Variants in SPATA1 observed in about 807,000 individuals in gnomAD.
SPATA1 encodes spermatogenesis-associated protein 1.
In SPATA1, 57 loss-of-function variants were observed where a neutral mutation model predicts 59.6. The ratio of observed to expected loss-of-function variants is 0.96; its 90% CI spans 0.77 to 1.19. The LOEUF is 1.19. SPATA1 is among the 50% of genes most tolerant of loss of function. The pLI is 0.00. For missense variants in SPATA1, 448 were observed against 480.7 expected (o/e 0.93, Z 0.64); for synonymous variants, 147 against 163.9 (o/e 0.90, Z 0.79).
chr1:84,550,672 T>C, intron 12 of SPATA1, 142 bp downstream of exon 12: 10 of 1,214,734 alleles, frequency 8.2e-6, no homozygotes, highest in Non-Finnish European at 1.0e-5. Flanking sequence ...GTAAAGAGCA[T>C]AGGTGAAAAA....
At position 84,550,881 on chromosome 1, in the gene SPATA1, G is replaced by A. The variant is rs969557547; in HGVS notation, c.1224+351G>A. On this transcript the variant is annotated intron_variant, in intron 12 of 12. Transcript: ENST00000490879. Reference sequence around the variant, plus strand: ...AAACCACTGAGCTCTCCTCTGAACTGACATTTAATTTTTTATGGGTAATCG... The same window carrying A: ...AAACCACTGAGCTCTCCTCTGAACTAACATTTAATTTTTTATGGGTAATCG... 1.9e-4 allele frequency: 189 copies of A among 983,944 alleles called. 3 individuals are homozygous for A. Among genetic ancestry groups the A allele is most frequent in the Admixed American group, 3.1e-4 (5 of 16,298 alleles). The allele number at this position is 983,944 out of a possible 1,614,324, so 61.0% of individuals were successfully genotyped here.
At chr1:84,544,762 T>C (rs886087462) in intron 9 of SPATA1, among the ~76,000 whole-genome samples, 2 of 151,590 alleles carry the variant, frequency 1.3e-5, no homozygotes, top group Admixed American at 6.6e-5. Context: ...GATTTCACCA[T>C]GTTGGCCAGG....
exon 4 of SPATA1, chr1:84,522,393 A>T: frequency 6.9e-7 from 1 of 1,448,420 alleles, no homozygotes. Context: ...ATTTCAGAGT[A>T]TCTCCTCAAC....
In SPATA1 at chr1:84,551,259, A is replaced by G. The variant is rs1014755150; in HGVS notation, c.1224+729A>G. ...ATGAATGCTCTCATTTCTTTATCAG[A>G]AACAGCTTTATGACACAGAATAATG... On this transcript the variant is annotated intron_variant, in intron 12 of 12. Transcript: ENST00000490879. 3 of 984,544 alleles carry G rather than the reference A, an allele frequency of 3.0e-6. No homozygotes were observed. In the African/African-American group the frequency reaches 5.2e-5, roughly 17 times the overall value. The allele number at this position is 984,544 out of a possible 1,614,324, so 61.0% of individuals were successfully genotyped here.
At position 84,526,425 on chromosome 1, in the gene SPATA1, G is replaced by GA. The variant is rs897217423; in HGVS notation, c.544+353dup. On this transcript the variant is annotated intron_variant, in intron 6 of 12. Transcript: ENST00000490879. ...AAACTTTGGTATTACTCAGAGACCA[G>GA]AGGGATCAGGAAAACAGTATCAAAC... Among the ~76,000 whole-genome samples, 21 of 152,238 alleles carry GA rather than the reference G, an allele frequency of 1.4e-4. No individual in the cohort carries two copies. In the East Asian group the frequency reaches 1.7e-3, roughly 13 times the overall value.
rs189616860 is a variant in SPATA1 at position 84,548,467 on chromosome 1, T to C, written c.947-319T>C. 6.2e-3 allele frequency among the ~76,000 whole-genome samples: 921 copies of C among 148,342 alleles called. 12 individuals are homozygous for C. Among genetic ancestry groups the C allele is most frequent in the African/African-American group, 0.022 (890 of 40,910 alleles). On this transcript the variant is annotated intron_variant, in intron 10 of 12. Coordinates refer to ENST00000490879, the Ensembl canonical transcript of SPATA1. Reference sequence around the variant, plus strand: ...GTTATAGATTACTATATATAACAAGTATATATATTGCTTTTATAATATATA... The same window carrying C: ...GTTATAGATTACTATATATAACAAGCATATATATTGCTTTTATAATATATA...
intron 8 of SPATA1, among the ~76,000 whole-genome samples, chr1:84,534,511 C>A (rs1207634430): frequency 6.6e-6 from 1 of 151,972 alleles, no homozygotes; most frequent in African/African-American, 2.4e-5. Context: ...CCATGGCTTT[C>A]CCAGGTGATA....
intron 6 of SPATA1, among the ~76,000 whole-genome samples, chr1:84,531,776 G>T (rs1683479850): frequency 6.6e-6 from 1 of 151,838 alleles, no homozygotes. Flanking sequence ...GCCCAGGCTG[G>T]TCTTGAACTA....
chr1:84,524,348 T>A (rs1033193241), intron 4 of SPATA1, among the ~76,000 whole-genome samples: 1 of 152,152 alleles, frequency 6.6e-6, no homozygotes, highest in Admixed American at 6.6e-5. Context: ...GTTGAAGGTC[T>A]TCAATGCCAG....
At chr1:84,561,015 A>G (rs140801221) in intron 4 of SPATA1, among the ~76,000 whole-genome samples, 1 of 152,238 alleles carries the variant, frequency 6.6e-6, no homozygotes, top group East Asian at 1.9e-4. Flanking sequence ...CCCATGGAAC[A>G]AGGAGTAATT....
At chr1:84,558,137 A>G (rs1374189061), downstream of SPATA1, among the ~76,000 whole-genome samples, 4 of 152,172 alleles carry the variant, frequency 2.6e-5, no homozygotes. Flanking sequence ...GAAAATTCCT[A>G]AGAGAATGGA....
At position 84,512,182 on chromosome 1, in the gene SPATA1, T is replaced by G. The variant is rs534299035; in HGVS notation, c.-137-4041T>G. ...TATGTCAAAAAATACTCCCATCATCTGTCATAAAGTTAACTGTATTCTGAT... is the reference window on the plus strand; with the variant it reads ...TATGTCAAAAAATACTCCCATCATCGGTCATAAAGTTAACTGTATTCTGAT... On this transcript the variant is annotated intron_variant, in intron 1 of 12. Coordinates refer to ENST00000490879, the Ensembl canonical transcript of SPATA1. Among the ~76,000 whole-genome samples the G allele has an allele frequency of 3.9e-5, 6 of 152,348 alleles. No homozygotes were observed. The South Asian group carries it at 1.2e-3, about 32-fold the overall frequency.
At chr1:84,567,254 TAA>T (rs1356136374), downstream of SPATA1, among the ~76,000 whole-genome samples, 6 of 152,294 alleles carry the variant, frequency 3.9e-5, no homozygotes, top group East Asian at 9.6e-4. Context: ...TCCAACAAAA[TAA>T]GTTATGAAAT....
At chr1:84,519,677 TTAA>T (rs1425295292) in intron 2 of SPATA1, among the ~76,000 whole-genome samples, 2 of 152,104 alleles carry the variant, frequency 1.3e-5, no homozygotes, top group Non-Finnish European at 2.9e-5. Context: ...AAATTGTTAG[TTAA>T]TAATCATCAT....
chr1:84,508,847 G>A (rs1682401334), intron 1 of SPATA1, among the ~76,000 whole-genome samples: 1 of 151,970 alleles, frequency 6.6e-6, no homozygotes, highest in South Asian at 2.1e-4. Context: ...AAAATACTTA[G>A]GAATTAACCA....
chr1:84,558,854 T>A (rs1194117438), downstream of SPATA1, among the ~76,000 whole-genome samples: 2 of 152,124 alleles, frequency 1.3e-5, no homozygotes, highest in East Asian at 3.9e-4. Flanking sequence ...TGAGCCATGA[T>A]TGTGCCACTG....
At chr1:84,553,198 C>G (rs2102011806) in exon 13 of SPATA1, 2 of 820,396 alleles carry the variant, frequency 2.4e-6, no homozygotes, top group East Asian at 5.9e-5. Context: ...AACCATTATT[C>G]TCCTTGGCAA....
downstream of SPATA1, among the ~76,000 whole-genome samples, chr1:84,557,541 A>G (rs1684474020): frequency 7.3e-6 from 1 of 137,334 alleles, no homozygotes; most frequent in Non-Finnish European, 1.5e-5. Flanking sequence ...CTCAAAAAAA[A>G]AAAAAAAAAA....
chr1:84,552,815 G>GT, intron 12 of SPATA1: 1 of 406,358 alleles, frequency 2.5e-6, no homozygotes, highest in Non-Finnish European at 4.4e-6. Flanking sequence ...CATAAACAAG[G>GT]TTACCTTATA....
Sources: gnomAD v4.1 joint callset for allele counts (sites outside exome capture counted in the v4.1 genomes callset) on GRCh38, gnomAD v4.1.1 for gene constraint, MANE v1.5 for transcripts, NCBI Gene and HGNC (gene_info 2026-07-23, HGNC 2026-07-21) for gene names.